The following ADAM12 variants were observed in gnomAD, a reference collection of about 807,000 sequenced individuals.
ADAM12 encodes the protein ADAM metallopeptidase domain 12, also known as disintegrin and metalloproteinase domain-containing protein 12.
In ADAM12, 70 loss-of-function variants were observed where a neutral mutation model predicts 106.4. That is an observed-to-expected ratio of 0.66 (90% CI 0.54 to 0.80). ADAM12 has a LOEUF of 0.80. Among genes scored for constraint, ADAM12 ranks in the 30% least tolerant of loss-of-function variants. ADAM12 has a pLI of 0.00. For synonymous variants in ADAM12, 420 were observed against 433.5 expected (o/e 0.97, Z 0.39); for missense variants, 1,010 against 1,171.9 (o/e 0.86, Z 2.02).
At chr10:126,216,807 A>C (rs1590632453) in intron 3 of ADAM12, among the ~76,000 whole-genome samples, 1 of 152,344 alleles carries the variant, frequency 6.6e-6, no homozygotes, top group Admixed American at 6.5e-5. Context: ...AGGCCAGAGG[A>C]CATTGCCTTG....
intron 1 of ADAM12, among the ~76,000 whole-genome samples, chr10:126,355,155 C>T (rs757904825): frequency 6.6e-6 from 1 of 151,932 alleles, no homozygotes; most frequent in Non-Finnish European, 1.5e-5. Flanking sequence ...GAAATATGAA[C>T]ATAGATGAAC....
In ADAM12 at chr10:126,357,335, A is replaced by G. The variant is rs188715561; in HGVS notation, c.89-26826T>C. ...CAAAGTGCTGAGGGAGGGGGAAAAA[A>G]AAACTCCTGTCTACCAGGAATACCT... On this transcript the variant is annotated intron_variant, in intron 1 of 22. Transcript: ENST00000448723. 2.3e-3 allele frequency among the ~76,000 whole-genome samples: 355 copies of G among 152,330 alleles called. 7 individuals are homozygous for G. The South Asian group carries it at 0.024, about 10-fold the overall frequency.
At chr10:126,078,817 C>T (rs1955153979) in intron 11 of ADAM12, among the ~76,000 whole-genome samples, 2 of 151,974 alleles carry the variant, frequency 1.3e-5, no homozygotes, top group South Asian at 4.2e-4. Flanking sequence ...GATGGCAGTA[C>T]TAGATTTCAC....
Position 126,376,910 on chromosome 10 carries a change from C to G in ADAM12, c.88+11148G>C, listed in dbSNP as rs1856313679. On this transcript the variant is annotated intron_variant, in intron 1 of 22. Coordinates refer to ENST00000448723, the MANE Select transcript of ADAM12 (RefSeq NM_001288973.2). ...TCAAAGCACTGTATATGTATTCTTT[C>G]ATTTCACCTGCACTACGGCCCTGTG... Among the ~76,000 whole-genome samples the G allele has an allele frequency of 2.6e-5, 4 of 152,200 alleles. No homozygotes were observed. In the South Asian group the frequency reaches 8.3e-4, roughly 32 times the overall value.
chr10:126,167,716 G>A (rs1238865493), intron 3 of ADAM12, among the ~76,000 whole-genome samples: 7 of 152,260 alleles, frequency 4.6e-5, no homozygotes, highest in African/African-American at 1.4e-4. Flanking sequence ...AGTGAACCTC[G>A]AATTCATTTT....
intron 14 of ADAM12, among the ~76,000 whole-genome samples, chr10:126,060,428 T>C (rs147954314): frequency 7.9e-5 from 12 of 152,226 alleles, no homozygotes; most frequent in African/African-American, 2.9e-4. Context: ...TCGGGCAAGG[T>C]CACTGGGGTG....
chr10:126,366,731 C>A (rs1300365416), intron 1 of ADAM12, among the ~76,000 whole-genome samples: 1 of 151,964 alleles, frequency 6.6e-6, no homozygotes, highest in East Asian at 1.9e-4. Context: ...GAAAAAAATG[C>A]TCTGCGCATA....
chr10:126,370,175 A>C (rs1250910327), intron 1 of ADAM12, among the ~76,000 whole-genome samples: 2 of 152,162 alleles, frequency 1.3e-5, no homozygotes, highest in African/African-American at 4.8e-5. Context: ...CTTGACTGAA[A>C]CCAGTGAAAG....
chr10:126,199,595 C>T (rs1385370744), intron 3 of ADAM12, among the ~76,000 whole-genome samples: 1 of 152,154 alleles, frequency 6.6e-6, no homozygotes, highest in East Asian at 1.9e-4. Flanking sequence ...TGCTGCTTCC[C>T]AGAGTGTGTC....
At chr10:126,154,185 G>C (rs928383896) in intron 4 of ADAM12, among the ~76,000 whole-genome samples, 18 of 152,122 alleles carry the variant, frequency 1.2e-4, no homozygotes, top group African/African-American at 4.1e-4. Context: ...TAGTCCTTTG[G>C]GGAGCCCCAA....
intron 21 of ADAM12, among the ~76,000 whole-genome samples, chr10:126,032,684 T>C (rs367637470): frequency 1.1e-4 from 16 of 152,202 alleles, no homozygotes; most frequent in African/African-American, 3.1e-4. Flanking sequence ...GCTCTTTGGC[T>C]ACCTGAAATG....
intron 3 of ADAM12, among the ~76,000 whole-genome samples, chr10:126,238,070 TA>T (rs1443630395): frequency 6.6e-6 from 1 of 152,250 alleles, no homozygotes; most frequent in African/African-American, 2.4e-5. Flanking sequence ...AGCATTTCTT[TA>T]AAAAAAGATC....
intron 1 of ADAM12, among the ~76,000 whole-genome samples, chr10:126,374,645 T>C (rs962400441): frequency 2.6e-5 from 4 of 152,088 alleles, no homozygotes; most frequent in African/African-American, 9.7e-5. Flanking sequence ...TTTAGACTTG[T>C]AGACATCACC....
intron 2 of ADAM12, among the ~76,000 whole-genome samples, chr10:126,282,066 T>G (rs1959609959): frequency 6.6e-6 from 1 of 152,216 alleles, no homozygotes; most frequent in South Asian, 2.1e-4. Flanking sequence ...AACAGAAATT[T>G]ATCTTATAGC....
chr10:126,050,685 C>G (rs934518900), intron 14 of ADAM12, among the ~76,000 whole-genome samples: 2 of 152,180 alleles, frequency 1.3e-5, no homozygotes, highest in African/African-American at 2.4e-5. Flanking sequence ...AGAAGATGTT[C>G]TTCTTACTAA....
At chr10:126,198,072 G>A (rs1270538409) in intron 3 of ADAM12, among the ~76,000 whole-genome samples, 1 of 152,204 alleles carries the variant, frequency 6.6e-6, no homozygotes, top group Non-Finnish European at 1.5e-5. Flanking sequence ...TGCAAACCAG[G>A]TATCTCCTCA....
intron 3 of ADAM12, among the ~76,000 whole-genome samples, chr10:126,213,796 C>T (rs1442032297): frequency 6.6e-6 from 1 of 152,214 alleles, no homozygotes; most frequent in Non-Finnish European, 1.5e-5. Flanking sequence ...TTGAAAATTT[C>T]CCTGCCAAAA....
At chr10:126,027,318 T>C (rs1953892489) in intron 21 of ADAM12, among the ~76,000 whole-genome samples, 1 of 152,160 alleles carries the variant, frequency 6.6e-6, no homozygotes. Context: ...TGGTACCATT[T>C]CTACTGAAAC....
chr10:126,338,018 G>C (rs1431898754), intron 1 of ADAM12, among the ~76,000 whole-genome samples: 2 of 152,146 alleles, frequency 1.3e-5, no homozygotes, highest in Non-Finnish European at 2.9e-5. Context: ...AGAGGACAGA[G>C]CCATTTGGAA....
Sources: gnomAD v4.1 joint callset for allele counts (sites outside exome capture counted in the v4.1 genomes callset) on GRCh38, gnomAD v4.1.1 for gene constraint, MANE v1.5 for transcripts, NCBI Gene and HGNC (gene_info 2026-07-23, HGNC 2026-07-21) for gene names.